GRM5: variants seen among roughly 807,000 people sequenced by gnomAD.
GRM5 encodes metabotropic glutamate receptor 5.
GRM5 carries 19 observed loss-of-function variants against 83.1 expected under a neutral mutation model. That is an observed-to-expected ratio of 0.23 (90% confidence interval 0.16 to 0.34). GRM5 has a LOEUF of 0.34. GRM5 is among the 10% of genes least tolerant of loss of function. The pLI is 1.00. For synonymous variants in GRM5, 675 were observed against 633.6 expected (o/e 1.07, Z -0.98); for missense variants, 1,160 against 1,588.3 (o/e 0.73, Z 4.58).
chr11:88,630,758 AG>A (rs1223554534), intron 4 of GRM5, among the ~76,000 whole-genome samples: 2 of 152,048 alleles, frequency 1.3e-5, no homozygotes, highest in Non-Finnish European at 2.9e-5. Context: ...TTGTATTTTT[AG>A]TAGAGACGGG....
chr11:88,758,838 G>T (rs1942450702), intron 3 of GRM5, among the ~76,000 whole-genome samples: 1 of 152,082 alleles, frequency 6.6e-6, no homozygotes, highest in African/African-American at 2.4e-5. Context: ...GTGGCAGCTG[G>T]AGAGAAAGCT....
chr11:88,536,395 C>T (rs7104594), intron 8 of GRM5, among the ~76,000 whole-genome samples: 2,380 of 152,246 alleles, frequency 0.016, 69 homozygotes, highest in African/African-American at 0.054. Context: ...GAGTTCTTTC[C>T]AGCCACCATC....
intron 2 of GRM5, among the ~76,000 whole-genome samples, chr11:89,009,918 A>AAAAAAAAAAAAAAAAAC (rs1940646121): frequency 2.2e-5 from 3 of 136,182 alleles, no homozygotes; most frequent in African/African-American, 9.5e-5. Context: ...AAAAAAAAAA[A>AAAAAAAAAAAAAAAAAC]AAAAAAAAAA....
At chr11:88,862,325 T>A (rs1336641614) in intron 2 of GRM5, among the ~76,000 whole-genome samples, 2 of 152,158 alleles carry the variant, frequency 1.3e-5, no homozygotes, top group African/African-American at 2.4e-5. Flanking sequence ...GCTTCCTACA[T>A]TGTTTTGTTA....
intron 8 of GRM5, among the ~76,000 whole-genome samples, chr11:88,544,589 C>A (rs1415106491): frequency 6.6e-6 from 1 of 152,200 alleles, no homozygotes; most frequent in African/African-American, 2.4e-5. Context: ...TCATCACACA[C>A]TTCTCAGGGC....
intron 4 of GRM5, among the ~76,000 whole-genome samples, chr11:88,616,634 G>T (rs960391394): frequency 6.6e-6 from 1 of 152,072 alleles, no homozygotes; most frequent in Non-Finnish European, 1.5e-5. Flanking sequence ...GAAAAATGAA[G>T]AATGAAGGAT....
At chr11:88,784,093 G>A (rs558910836) in intron 3 of GRM5, among the ~76,000 whole-genome samples, 2 of 151,992 alleles carry the variant, frequency 1.3e-5, no homozygotes, top group Admixed American at 6.6e-5. Flanking sequence ...TACCACCATG[G>A]CCATAATTTA....
intron 2 of GRM5, among the ~76,000 whole-genome samples, chr11:88,930,415 T>G (rs1937664711): frequency 6.6e-6 from 1 of 152,126 alleles, no homozygotes; most frequent in African/African-American, 2.4e-5. Context: ...ATCCCATCTC[T>G]AATAAATACA....
chr11:88,571,530 T>C (rs1943001222), intron 7 of GRM5, among the ~76,000 whole-genome samples: 1 of 152,148 alleles, frequency 6.6e-6, no homozygotes, highest in Non-Finnish European at 1.5e-5. Flanking sequence ...AATGGATGCG[T>C]ATCACAATCA....
chr11:88,557,826 A>G (rs1251516423), intron 8 of GRM5, among the ~76,000 whole-genome samples: 2 of 151,034 alleles, frequency 1.3e-5, no homozygotes, highest in East Asian at 3.9e-4. Flanking sequence ...ATAGGTATAC[A>G]CGTGCCATGG....
chr11:88,579,386 T>C (rs1405254671), intron 7 of GRM5, among the ~76,000 whole-genome samples: 3 of 152,166 alleles, frequency 2.0e-5, no homozygotes, highest in Non-Finnish European at 4.4e-5. Context: ...GGATCAACAG[T>C]ATATGATCAG....
At chr11:88,718,480 G>T (rs1011248950) in intron 3 of GRM5, among the ~76,000 whole-genome samples, 1 of 151,822 alleles carries the variant, frequency 6.6e-6, no homozygotes. Context: ...TATGCTTTCT[G>T]TTTCAAAGTT....
intron 2 of GRM5, among the ~76,000 whole-genome samples, chr11:89,008,862 A>G (rs1361081420): frequency 6.6e-6 from 1 of 152,184 alleles, no homozygotes; most frequent in Non-Finnish European, 1.5e-5. Flanking sequence ...ATAAATATGC[A>G]TAAGTTTTTG....
chr11:88,783,965 T>C (rs1393561014), intron 3 of GRM5, among the ~76,000 whole-genome samples: 4 of 152,028 alleles, frequency 2.6e-5, no homozygotes, highest in African/African-American at 9.7e-5. Context: ...TAATTCCCCA[T>C]TATCAGTGGA....
chr11:88,687,486 C>T (rs1293603403), intron 3 of GRM5, among the ~76,000 whole-genome samples: 64 of 92,398 alleles, frequency 6.9e-4, no homozygotes, highest in Admixed American at 2.7e-4. Context: ...CAAAAACAAA[C>T]AAACAAACAA....
chr11:88,668,605 A>G (rs1193986439), intron 3 of GRM5, among the ~76,000 whole-genome samples: 6 of 152,186 alleles, frequency 3.9e-5, no homozygotes, highest in Non-Finnish European at 1.5e-5. Context: ...ATACTCATTC[A>G]AATTTGGTAT....
At chr11:88,546,022 C>G (rs1399899663) in intron 8 of GRM5, among the ~76,000 whole-genome samples, 2 of 151,976 alleles carry the variant, frequency 1.3e-5, no homozygotes, top group Non-Finnish European at 2.9e-5. Context: ...TGCTAGTCTC[C>G]TAAAATGAAA....
At chr11:88,520,428 AG>A (rs1941649677) in intron 9 of GRM5, among the ~76,000 whole-genome samples, 1 of 152,156 alleles carries the variant, frequency 6.6e-6, no homozygotes, top group Non-Finnish European at 1.5e-5. Context: ...CTGAATACTC[AG>A]TTTACATCTG....
At chr11:88,815,995 T>C (rs999313908) in intron 3 of GRM5, among the ~76,000 whole-genome samples, 1 of 147,710 alleles carries the variant, frequency 6.8e-6, no homozygotes, top group Non-Finnish European at 1.5e-5. Context: ...GGGTGGATCA[T>C]GAGGTCAGGA....
Sources: gnomAD v4.1 joint callset for allele counts (sites outside exome capture counted in the v4.1 genomes callset) on GRCh38, gnomAD v4.1.1 for gene constraint, MANE v1.5 for transcripts, NCBI Gene and HGNC (gene_info 2026-07-23, HGNC 2026-07-21) for gene names.